The following TESK2 variants were observed in gnomAD, a reference collection of about 807,000 sequenced individuals.
TESK2 encodes testis associated actin remodelling kinase 2.
Under a neutral mutation model 57.1 loss-of-function variants are expected in TESK2, and 39 were observed. The observed-to-expected ratio is 0.68, with a 90% CI of 0.53 to 0.89. TESK2 has a LOEUF of 0.89. TESK2 is among the 40% of genes least tolerant of loss of function. The pLI is 0.00. For missense variants in TESK2, 646 were observed against 732.1 expected (o/e 0.88, Z 1.36); for synonymous variants, 249 against 267.9 (o/e 0.93, Z 0.69).
rs191264631 is a variant in TESK2, at chr1:45,368,293, C to A, written c.394-12844G>T. Among the ~76,000 whole-genome samples the A allele has an allele frequency of 9.9e-5, 15 of 152,212 alleles. No individual in the cohort carries two copies. In the East Asian group the frequency reaches 2.9e-3, roughly 29 times the overall value. The stretch of plus-strand genomic sequence containing the variant: ...TACAGGTGTGAGCCACCACACCCGG[C>A]CTGACCATTGTAATATCTTGAAACA... On this transcript the variant is annotated intron_variant, in intron 4 of 10. Transcript: ENST00000372086.
chr1:45,417,630 C>T (rs1336573573), intron 3 of TESK2, among the ~76,000 whole-genome samples: 6 of 151,074 alleles, frequency 4.0e-5, no homozygotes, highest in Non-Finnish European at 7.4e-5. Flanking sequence ...CTCGCTCTGT[C>T]GCCTGGGCTG....
Position 45,356,033 on chromosome 1 carries a change from A to C in TESK2, c.394-584T>G, listed in dbSNP as rs532239669. On this transcript the variant is annotated intron_variant, in intron 4 of 10. Transcript: ENST00000372086. ...AGCCACATGGTTATATTTGCTTTTT[A>C]AAGAAAATATTATTTTAGCCATGGT... Among the ~76,000 whole-genome samples the C allele has an allele frequency of 5.9e-5, 9 of 152,316 alleles. No homozygotes were observed. The East Asian group carries it at 1.7e-3, about 29-fold the overall frequency.
chr1:45,434,825 G>A (rs1454455390), intron 2 of TESK2, among the ~76,000 whole-genome samples: 1 of 151,714 alleles, frequency 6.6e-6, no homozygotes, highest in Admixed American at 6.6e-5. Flanking sequence ...TTCCTTTGCT[G>A]TGCAGAAGAT....
intron 2 of TESK2, among the ~76,000 whole-genome samples, chr1:45,439,548 C>T (rs1013893981): frequency 2.0e-5 from 3 of 152,092 alleles, no homozygotes; most frequent in Admixed American, 6.6e-5. Context: ...CATAATAGTT[C>T]ATTATATTTT....
intron 3 of TESK2, 80 bp from the exon 4 acceptor site, chr1:45,386,040 C>T: frequency 2.7e-6 from 3 of 1,127,462 alleles, no homozygotes; most frequent in East Asian, 5.1e-5. Context: ...GTTAGTTACC[C>T]ATGCATTAGA....
intron 2 of TESK2, among the ~76,000 whole-genome samples, chr1:45,438,685 C>T (rs1651321828): frequency 6.6e-6 from 1 of 152,238 alleles, no homozygotes; most frequent in Non-Finnish European, 1.5e-5. Context: ...CTGATCCTCT[C>T]CCTCCACTCT....
chr1:45,429,688 A>C lies in TESK2; in HGVS notation c.223-7842T>G, dbSNP rs186992639. On this transcript the variant is annotated intron_variant, in intron 2 of 10. Transcript: ENST00000372086. The stretch of plus-strand genomic sequence containing the variant: ...TAAAGTTCTACTAAGTTGTTCCACT[A>C]AGTTGTTATCTGACTTTCCAAGAAA... 3.6e-4 allele frequency among the ~76,000 whole-genome samples: 55 copies of C among 152,326 alleles called. 1 individual carries two copies. Among genetic ancestry groups the C allele is most frequent in the African/African-American group, 1.3e-3 (53 of 41,576 alleles).
chr1:45,465,015 T>C (rs1287590926), intron 1 of TESK2, among the ~76,000 whole-genome samples: 1 of 152,102 alleles, frequency 6.6e-6, no homozygotes, highest in Non-Finnish European at 1.5e-5. Context: ...GGCAGGTAGA[T>C]CACCTGAGGT....
rs116503462 is a variant in TESK2, at chr1:45,345,623, C to A, written c.998-65G>T. On this transcript the variant is annotated intron_variant, in intron 10 of 10. Coordinates refer to ENST00000372086, the MANE Select transcript of TESK2 (RefSeq NM_007170.3). ...AACAAATACAAGCAGCATTTTACCA[C>A]AGAATGTTTTCACTCATGAAAGCAA... is the stretch of plus-strand genomic sequence containing the variant. 9.4e-4 allele frequency: 1,349 copies of A among 1,441,688 alleles called. 5 individuals are homozygous for A. In the African/African-American group the frequency reaches 0.017, roughly 18 times the overall value. The allele number at this position is 1,441,688 out of a possible 1,614,324, so 89.3% of individuals were successfully genotyped here.
In TESK2 at chr1:45,360,547, G is replaced by A. The variant is rs568982928; in HGVS notation, c.394-5098C>T. Among the ~76,000 whole-genome samples, 66 of 152,338 alleles carry A rather than the reference G, an allele frequency of 4.3e-4. 1 individual carries two copies. The South Asian group carries it at 0.012, about 28-fold the overall frequency. ...CTGGAAATCCATATGCAAAGCCAGA[G>A]GGTGGAGAGCACAGGAAAAGGTGAC... On this transcript the variant is annotated intron_variant, in intron 4 of 10. Coordinates refer to ENST00000372086, the MANE Select transcript of TESK2 (RefSeq NM_007170.3).
intron 3 of TESK2, among the ~76,000 whole-genome samples, chr1:45,400,521 C>T (rs953646985): frequency 2.0e-5 from 3 of 152,154 alleles, no homozygotes; most frequent in Admixed American, 1.3e-4. Flanking sequence ...GGGTCACTCC[C>T]CTGTGATATA....
chr1:45,445,541 C>G (rs931425635), intron 2 of TESK2, among the ~76,000 whole-genome samples: 2 of 150,154 alleles, frequency 1.3e-5, no homozygotes, highest in African/African-American at 4.9e-5. Context: ...AATCCCAACA[C>G]TTTGGGAGGC....
chr1:45,384,389 GTCTA>G (rs71052870), intron 4 of TESK2, among the ~76,000 whole-genome samples: 43,649 of 144,154 alleles, frequency 0.3, 6,672 homozygotes, highest in East Asian at 0.45. Flanking sequence ...CTATCTATCT[GTCTA>G]TCTATCTATC....
intron 2 of TESK2, among the ~76,000 whole-genome samples, chr1:45,439,625 A>T (rs544136060): frequency 1.3e-5 from 2 of 152,300 alleles, no homozygotes; most frequent in Non-Finnish European, 2.9e-5. Flanking sequence ...GGAGGCACAG[A>T]AGTCAAGGTC....
chr1:45,445,052 T>G (rs915650906), intron 2 of TESK2, among the ~76,000 whole-genome samples: 1 of 152,150 alleles, frequency 6.6e-6, no homozygotes, highest in African/African-American at 2.4e-5. Flanking sequence ...TGAGTATTTT[T>G]CGGACCTTGC....
rs1443269239 is a variant in TESK2 at position 45,347,606 on chromosome 1, TACCTTTTCATTATAGGGCTC to T, written c.691_708+2del. 1.9e-6 allele frequency: 3 copies of T among 1,613,028 alleles called. No individual in the cohort carries two copies. The South Asian group carries it at 3.3e-5, about 18-fold the overall frequency. On this transcript the variant is annotated splice_donor_variant and coding_sequence_variant, in exon 7 of 11. Transcript: ENST00000372086. LOFTEE classifies it high-confidence loss of function. ...ATCAGGCCTTGAGATCCTCCAAACT[TACCTTTTCATTATAGGGCTC>T]ATCTCGGAGAACCTCAGGTGCCATC...
At chr1:45,489,814 C>G (rs192296456) in intron 1 of TESK2, among the ~76,000 whole-genome samples, 85 of 152,214 alleles carry the variant, frequency 5.6e-4, no homozygotes, top group Non-Finnish European at 1.1e-3. Flanking sequence ...AACAAACAAA[C>G]CCTGAAACTT....
chr1:45,375,950 T>C (rs1277626129), intron 4 of TESK2, among the ~76,000 whole-genome samples: 1 of 152,186 alleles, frequency 6.6e-6, no homozygotes, highest in Non-Finnish European at 1.5e-5. Flanking sequence ...TCTTCTATTA[T>C]TTGTGGGCTA....
intron 4 of TESK2, among the ~76,000 whole-genome samples, chr1:45,368,371 G>A (rs549166063): frequency 6.7e-6 from 1 of 149,174 alleles, no homozygotes; most frequent in Non-Finnish European, 1.5e-5. Flanking sequence ...TGTTTTTTTT[G>A]GTTTTCTTTT....
Sources: allele counts gnomAD v4.1 joint callset (sites outside exome capture counted in the v4.1 genomes callset), GRCh38; gene constraint gnomAD v4.1.1; transcripts MANE v1.5; gene names NCBI Gene and HGNC (gene_info 2026-07-23, HGNC 2026-07-21).